The following PRSS35 variants were observed in gnomAD, a reference collection of about 807,000 sequenced individuals.
PRSS35 encodes serine protease 35.
A neutral mutation model predicts 8.1 loss-of-function variants in PRSS35; 7 were observed. The ratio of observed to expected loss-of-function variants is 0.86; its 90% confidence interval spans 0.49 to 1.62. The LOEUF is 1.62. Ranked by LOEUF, PRSS35 falls within the 40% of genes most tolerant of loss-of-function variation. PRSS35 has a pLI of 0.00. For missense variants in PRSS35, 566 were observed against 518.0 expected (o/e 1.09, Z -0.90); for synonymous variants, 199 against 188.7 (o/e 1.05, Z -0.45).
rs1013622028 is a variant in PRSS35, at chr6:83,524,058, G to C, written c.617G>C (p.Ser206Thr). The C allele has an allele frequency of 2.0e-5, 32 of 1,614,170 alleles. No homozygotes were observed. Among genetic ancestry groups the C allele is most frequent in the Non-Finnish European group, 2.5e-5 (29 of 1,180,042 alleles). ...AAGAAACGTCGAGGTTCTAAGAGGAGCAGGAGAGAAGCTAGTGGTGGTGAC... is the reference window on the plus strand; with the variant it reads ...AAGAAACGTCGAGGTTCTAAGAGGACCAGGAGAGAAGCTAGTGGTGGTGAC... ...GGKKRRGSKR[S>T]RREASGGDQR... is the part of the protein sequence containing the mutation. Residue 206 changes from serine (S) to threonine (T), a missense_variant, in exon 2 of 2, where the codon AGC (serine) becomes ACC (threonine). Physicochemically the swap from Ser to Thr is moderately conservative, Grantham distance 58 (BLOSUM62 1). Transcript: ENST00000369700.
chr6:83,521,025 A>T (rs1349160061), intron 1 of PRSS35, among the ~76,000 whole-genome samples: 2 of 152,216 alleles, frequency 1.3e-5, no homozygotes, highest in African/African-American at 4.8e-5. Context: ...TTAAGTACAC[A>T]GTGGACAGCT....
chr6:83,516,575 CAAAAAAAAAA>C (rs70987760), intron 1 of PRSS35, among the ~76,000 whole-genome samples: 1 of 101,896 alleles, frequency 9.8e-6, no homozygotes, highest in African/African-American at 3.7e-5. Context: ...GACTGCGTCT[CAAAAAAAAAA>C]AAAAAAAAAA....
In PRSS35 at chr6:83,524,772, C is replaced by A; in HGVS notation, c.*89C>A. 1.5e-6 allele frequency: 2 copies of A among 1,320,466 alleles called. No homozygotes were observed. The highest frequency in any genetic ancestry group is 2.1e-6 in the Non-Finnish European group (2 of 973,630). 81.8% of individuals were successfully genotyped at this position (1,320,466 alleles called of 1,614,324 possible). A position where few individuals can be genotyped will look rare whatever the true frequency, so the allele number is the denominator to read the frequency against. ...AGTGAGATCACTTCATAGGTTATGC[C>A]TGGACTTGAACTCTGTCAATAGCAT... On this transcript the variant is annotated 3_prime_UTR_variant, in exon 2 of 2. Transcript: ENST00000369700.
At position 83,523,936 on chromosome 6, in the gene PRSS35, A is replaced by C; in HGVS notation, c.495A>C (p.Leu165=). The C allele has an allele frequency of 1.2e-6, 2 of 1,614,154 alleles. No homozygotes were observed. The highest frequency in any genetic ancestry group is 8.5e-7 in the Non-Finnish European group (1 of 1,180,026). Residue 165 remains leucine (L), a synonymous_variant, in exon 2 of 2, where the codon CTA becomes CTC. Coordinates refer to ENST00000369700, the MANE Select transcript of PRSS35 (RefSeq NM_153362.3). ...SGILISPQHV[L]TAAHCVHDGK... is the part of the protein sequence containing the mutation. The stretch of plus-strand genomic sequence containing the variant: ...TTCTCATTTCCCCTCAGCATGTTCT[A>C]ACTGCTGCCCACTGTGTTCATGATG...
At chr6:83,513,134 C>T (rs1771656207) in intron 1 of PRSS35, among the ~76,000 whole-genome samples, 1 of 151,654 alleles carries the variant, frequency 6.6e-6, no homozygotes, top group African/African-American at 2.4e-5. Context: ...GAAAATGAGG[C>T]GGCGAAATGA....
chr6:83,516,527 G>T (rs939400246), intron 1 of PRSS35, among the ~76,000 whole-genome samples: 1 of 138,300 alleles, frequency 7.2e-6, no homozygotes, highest in Non-Finnish European at 1.5e-5. Context: ...AGTGAGCCGA[G>T]ATCACGCCAT....
At position 83,524,215 on chromosome 6, in the gene PRSS35, C is replaced by T. The variant is rs769567558; in HGVS notation, c.774C>T (p.His258=). 1.9e-6 allele frequency: 3 copies of T among 1,614,116 alleles called. No homozygotes were observed. Among genetic ancestry groups the T allele is most frequent in the Non-Finnish European group, 2.5e-6 (3 of 1,180,026 alleles). ...AGTGGACCCGGGTCAAGAATACCCA[C>T]ATTCCGAAGGGCTGGGCACGAGGAG... ...SFQWTRVKNT[H]IPKGWARGGM... The change falls in exon 2 of 2, where the codon CAC becomes CAT. Residue 258 remains histidine, a synonymous_variant. Transcript: ENST00000369700.
chr6:83,516,397 A>AC (rs1195957641), intron 1 of PRSS35, among the ~76,000 whole-genome samples: 5 of 151,478 alleles, frequency 3.3e-5, no homozygotes, highest in Non-Finnish European at 7.4e-5. Flanking sequence ...ACACGGTGAC[A>AC]CCCCATCTCT....
chr6:83,519,054 G>A (rs1771773254), intron 1 of PRSS35, among the ~76,000 whole-genome samples: 1 of 152,040 alleles, frequency 6.6e-6, no homozygotes, highest in Non-Finnish European at 1.5e-5. Flanking sequence ...TATTCTCAAC[G>A]CTGTCAGCAA....
chr6:83,524,174 G>T lies in PRSS35; in HGVS notation c.733G>T (p.Gly245Trp), dbSNP rs778024616. ...TGGCCGGGGTCAGAGGATTGCCGAA[G>T]GGAGGCCTTCCTTTCAGTGGACCCG... Reference protein sequence around the residue: ...KSGRGQRIAEGRPSFQWTRVK... With the variant: ...KSGRGQRIAEWRPSFQWTRVK... Residue 245 changes from glycine to tryptophan, a missense_variant, in exon 2 of 2, where the codon GGG becomes TGG. By Grantham distance (184) the Gly-to-Trp change is radical. Transcript: ENST00000369700. 2.5e-6 allele frequency: 4 copies of T among 1,613,994 alleles called. No individual in the cohort carries two copies.
chr6:83,514,100 G>C (rs1034963250), intron 1 of PRSS35, among the ~76,000 whole-genome samples: 1 of 152,150 alleles, frequency 6.6e-6, no homozygotes, highest in East Asian at 1.9e-4. Context: ...GCTTCGTATA[G>C]GTAAAACTGA....
rs138839296 is a variant in PRSS35, at chr6:83,515,939, C to T, written c.-21+3245C>T. ...AGGGGATTCTCCTGCCTCAGCCTCC[C>T]CAGTAGCTGGGATTACAGGTACACA... On this transcript the variant is annotated intron_variant, in intron 1 of 1. Coordinates refer to ENST00000369700, the MANE Select transcript of PRSS35 (RefSeq NM_153362.3). Among the ~76,000 whole-genome samples the T allele has an allele frequency of 1.3e-3, 205 of 152,188 alleles. 1 individual carries two copies. The highest frequency in any genetic ancestry group is 4.7e-3 in the African/African-American group (195 of 41,544).
intron 1 of PRSS35, among the ~76,000 whole-genome samples, chr6:83,520,054 GC>G (rs139957529): frequency 0.47 from 71,576 of 151,864 alleles, 17,998 homozygotes; most frequent in South Asian, 0.58. Flanking sequence ...TGGTGACAGA[GC>G]CAGACTGACT....
chr6:83,524,404 C>CT lies in PRSS35; in HGVS notation c.964dup (p.Tyr322LeufsTer12). 2 of 1,614,180 alleles carry CT rather than the reference C, an allele frequency of 1.2e-6. No individual in the cohort carries two copies. Among genetic ancestry groups the CT allele is most frequent in the Non-Finnish European group, 1.7e-6 (2 of 1,180,042 alleles). On this transcript the variant is annotated frameshift_variant, in exon 2 of 2. Coordinates refer to ENST00000369700, the MANE Select transcript of PRSS35 (RefSeq NM_153362.3). LOFTEE classifies it high-confidence loss of function. ...ATAACGATAGGGCTGATCAGTTGGT[C>CT]TATCGGTTTTGCAGTGTGTCCGACG...
intron 1 of PRSS35, among the ~76,000 whole-genome samples, chr6:83,513,184 G>GA (rs923718794): frequency 1.7e-4 from 26 of 148,964 alleles, no homozygotes; most frequent in Middle Eastern, 3.5e-3. Context: ...TACTCTAGCT[G>GA]AAAAAAAAAA....
intron 1 of PRSS35, among the ~76,000 whole-genome samples, chr6:83,521,862 A>G (rs1044967929): frequency 2.6e-5 from 4 of 152,210 alleles, no homozygotes; most frequent in African/African-American, 9.6e-5. Context: ...TCATTAATAT[A>G]TCACATTTAA....
intron 1 of PRSS35, among the ~76,000 whole-genome samples, chr6:83,520,426 T>A (rs986664997): frequency 2.6e-5 from 4 of 152,140 alleles, no homozygotes; most frequent in African/African-American, 4.8e-5. Context: ...GCCCTGAGAA[T>A]TAGCATTTTT....
chr6:83,515,563 G>A (rs774408836), intron 1 of PRSS35, among the ~76,000 whole-genome samples: 12 of 152,110 alleles, frequency 7.9e-5, no homozygotes, highest in Non-Finnish European at 1.6e-4. Flanking sequence ...GGAGTGTAGT[G>A]ACACAATCAC....
intron 1 of PRSS35, among the ~76,000 whole-genome samples, chr6:83,516,886 C>T (rs1771732959): frequency 6.6e-6 from 1 of 152,126 alleles, no homozygotes; most frequent in Non-Finnish European, 1.5e-5. Context: ...CCCAGAATAA[C>T]CACTTCACCT....
Sources: gnomAD v4.1 joint callset for allele counts (sites outside exome capture counted in the v4.1 genomes callset) on GRCh38, gnomAD v4.1.1 for gene constraint, MANE v1.5 for transcripts, NCBI Gene and HGNC (gene_info 2026-07-23, HGNC 2026-07-21) for gene names.